ZNF718: variants seen among roughly 807,000 people sequenced by gnomAD.
The protein encoded by ZNF718 is zinc finger protein 718.
A neutral mutation model predicts 2.6 loss-of-function variants in ZNF718; 3 were observed. The observed-to-expected ratio is 1.16, with a 90% CI of 0.53 to 3.01. The LOEUF (loss-of-function observed/expected upper bound fraction) is 3.01, where lower values mean the gene tolerates loss of function less well. ZNF718 is among the 30% of genes most tolerant of loss of function. The pLI is 0.03. For synonymous variants in ZNF718, 135 were observed against 77.9 expected (o/e 1.73, Z -3.86); for missense variants, 468 against 230.0 (o/e 2.03, Z -6.69).
chr4:126,179 T>C (rs1715211736), intron 1 of ZNF718, among the ~76,000 whole-genome samples: 1 of 152,234 alleles, frequency 6.6e-6, no homozygotes, highest in Non-Finnish European at 1.5e-5. Flanking sequence ...ATCCCTTACG[T>C]GCCTACAAGA....
rs149507264 is a variant in ZNF718, at chr4:201,583, C to T, written c.*103-49C>T. ...ATTTATTTAGGTAAAAGTGTATTTTCGGACTTCTCAACATTCAGTTCTATA... is the reference window on the plus strand; with the variant it reads ...ATTTATTTAGGTAAAAGTGTATTTTTGGACTTCTCAACATTCAGTTCTATA... On this transcript the variant is annotated intron_variant and NMD_transcript_variant, in intron 4 of 4. Coordinates refer to the ZNF718 transcript ENST00000642529. 9.8e-3 allele frequency: 1,529 copies of T among 155,886 alleles called. 14 individuals are homozygous for T. Among genetic ancestry groups the T allele is most frequent in the Non-Finnish European group, 0.013 (878 of 69,348 alleles). 9.7% of individuals were successfully genotyped at this position (155,886 alleles called of 1,614,324 possible).
chr4:187,249 C>T (rs1240653539), intron 3 of ZNF718, among the ~76,000 whole-genome samples: 4 of 151,860 alleles, frequency 2.6e-5, no homozygotes, highest in South Asian at 2.1e-4. Context: ...TTTGTTGAGA[C>T]GGAGTCTCGC....
chr4:166,454 A>G (rs554100165), downstream of ZNF718, among the ~76,000 whole-genome samples: 2 of 152,310 alleles, frequency 1.3e-5, no homozygotes, highest in East Asian at 3.9e-4. Context: ...GAACTAGTTT[A>G]CAGTCCCACC....
chr4:147,871 G>GA (rs1199276734), intron 3 of ZNF718, among the ~76,000 whole-genome samples: 3 of 151,736 alleles, frequency 2.0e-5, no homozygotes, highest in Admixed American at 1.3e-4. Flanking sequence ...CCATCTCCAG[G>GA]AAAAAAAACC....
At chr4:150,149 C>T (rs1426858907) in intron 3 of ZNF718, 2 of 151,806 alleles carry the variant, frequency 1.3e-5, no homozygotes, top group African/African-American at 2.4e-5. Context: ...ATGTAATGTT[C>T]TCAGGCTTTG....
intron 3 of ZNF718, 118 bp from the exon 4 acceptor site, chr4:160,794 G>T: frequency 1.6e-6 from 1 of 622,586 alleles, no homozygotes; most frequent in Non-Finnish European, 2.9e-6. Flanking sequence ...CTCATTATTT[G>T]CCCACCTTGG....
intron 3 of ZNF718, among the ~76,000 whole-genome samples, chr4:160,692 G>A (rs1455327850): frequency 2.0e-5 from 3 of 152,034 alleles, no homozygotes. Context: ...TGGGATTATA[G>A]GCATGCACCA....
chr4:132,917 C>T (rs1715381444), intron 3 of ZNF718, among the ~76,000 whole-genome samples: 1 of 99,748 alleles, frequency 1.0e-5, no homozygotes, highest in Non-Finnish European at 2.2e-5. Flanking sequence ...CGGTGGCTCA[C>T]ACCTGTAATC....
intron 3 of ZNF718, among the ~76,000 whole-genome samples, chr4:170,791 A>G (rs1001576885): frequency 6.6e-6 from 1 of 152,024 alleles, no homozygotes; most frequent in East Asian, 1.9e-4. Context: ...CATGGGTTCG[A>G]ACTTCCTCCT....
At chr4:143,123 CTG>C (rs1335882995) in intron 3 of ZNF718, among the ~76,000 whole-genome samples, 22 of 152,160 alleles carry the variant, frequency 1.4e-4, no homozygotes, top group African/African-American at 4.6e-4. Flanking sequence ...ATGATGGTAA[CTG>C]AGAGTGGCTC....
intron 3 of ZNF718, among the ~76,000 whole-genome samples, chr4:184,912 T>A (rs908411244): frequency 6.9e-4 from 105 of 152,222 alleles, no homozygotes; most frequent in African/African-American, 2.4e-3. Context: ...TCTTTAGTAG[T>A]CTAGCTAGAA....
chr4:171,531 G>A (rs1300705210), intron 3 of ZNF718, among the ~76,000 whole-genome samples: 1 of 152,066 alleles, frequency 6.6e-6, no homozygotes, highest in African/African-American at 2.4e-5. Flanking sequence ...ACCCCCTCAA[G>A]CCTCGGCAAT....
At chr4:133,942 G>A (rs1258191946) in intron 3 of ZNF718, among the ~76,000 whole-genome samples, 11 of 152,192 alleles carry the variant, frequency 7.2e-5, no homozygotes, top group African/African-American at 2.7e-4. Flanking sequence ...AAGGTCTACT[G>A]TTGTAGCAAA....
rs1716982860 is a variant in ZNF718 at position 163,275 on chromosome 4, T to TC, written c.*1158dup. The stretch of plus-strand genomic sequence containing the variant: ...ATCTCGGCTCACTGCAAGCTCTGCC[T>TC]CCCCCTGGGTTCACGCCATTCTCCT... On this transcript the variant is annotated 3_prime_UTR_variant, in exon 4 of 4. Transcript: ENST00000510175. 6.6e-6 allele frequency: 1 copy of TC among 151,288 alleles called. No homozygotes were observed. The highest frequency in any genetic ancestry group is 2.4e-5 in the African/African-American group (1 of 41,124). The allele number at this position is 151,288 out of a possible 1,614,324, so 9.4% of individuals were successfully genotyped here. A position where few individuals can be genotyped will look rare whatever the true frequency, so the allele number is the denominator to read the frequency against.
At chr4:141,025 C>G (rs983610513) in intron 3 of ZNF718, among the ~76,000 whole-genome samples, 1 of 152,208 alleles carries the variant, frequency 6.6e-6, no homozygotes, top group African/African-American at 2.4e-5. Flanking sequence ...AGCCTGCCTT[C>G]TTCCATTCTA....
At chr4:148,551 G>C (rs566671797) in intron 3 of ZNF718, among the ~76,000 whole-genome samples, 1 of 147,926 alleles carries the variant, frequency 6.8e-6, no homozygotes, top group African/African-American at 2.5e-5. Context: ...GGAGGTTGCA[G>C]TGAGCAAATA....
chr4:151,460 TTTTTGTTTTGTTTTG>T (rs373021815), intron 3 of ZNF718, among the ~76,000 whole-genome samples: 53 of 149,288 alleles, frequency 3.6e-4, no homozygotes, highest in Admixed American at 1.3e-3. Flanking sequence ...GAGTAATGTT[TTTTTGTTTTGTTTTG>T]TTTTGTTTTG....
At chr4:172,197 G>C (rs1717252974) in intron 3 of ZNF718, among the ~76,000 whole-genome samples, 1 of 151,896 alleles carries the variant, frequency 6.6e-6, no homozygotes, top group Non-Finnish European at 1.5e-5. Context: ...CTTTTTTTCT[G>C]AATAAACAAG....
chr4:136,277 A>G (rs782273281), intron 3 of ZNF718: 14 of 461,710 alleles, frequency 3.0e-5, no homozygotes, highest in Non-Finnish European at 4.3e-5. Flanking sequence ...AGTGTGTACA[A>G]CTGGCCATGG....
Sources: gnomAD v4.1 joint callset for allele counts (sites outside exome capture counted in the v4.1 genomes callset) on GRCh38, gnomAD v4.1.1 for gene constraint, MANE v1.5 for transcripts, NCBI Gene and HGNC (gene_info 2026-07-23, HGNC 2026-07-21) for gene names.